HAUS6: variants seen among roughly 807,000 people sequenced by gnomAD.
HAUS6 encodes HAUS augmin-like complex subunit 6.
In HAUS6, 80 loss-of-function variants were observed where a neutral mutation model predicts 106.8. The observed-to-expected ratio is 0.75, with a 90% CI of 0.63 to 0.90. The LOEUF (loss-of-function observed/expected upper bound fraction) is 0.90. Among genes scored for constraint, HAUS6 ranks in the 40% least tolerant of loss-of-function variants. The pLI, the probability that HAUS6 is intolerant of heterozygous loss-of-function variation, is 0.00. For missense variants in HAUS6, 1,155 were observed against 1,118.1 expected (o/e 1.03, Z -0.47); for synonymous variants, 356 against 379.1 (o/e 0.94, Z 0.71).
At chr9:19,077,486 G>C (rs900612528) in intron 10 of HAUS6, among the ~76,000 whole-genome samples, 2 of 152,106 alleles carry the variant, frequency 1.3e-5, no homozygotes, top group Non-Finnish European at 1.5e-5. Flanking sequence ...AGTGAGCTGA[G>C]ATCGTGCCAC....
At chr9:19,099,622 T>C (rs907359784) in intron 1 of HAUS6, among the ~76,000 whole-genome samples, 2 of 152,178 alleles carry the variant, frequency 1.3e-5, no homozygotes, top group Admixed American at 6.6e-5. Context: ...TGAACCACCA[T>C]GCCTAGCCTA....
intron 14 of HAUS6, 116 bp downstream of exon 14, chr9:19,062,892 C>A (rs1436024913): frequency 1.3e-6 from 1 of 780,040 alleles, no homozygotes; most frequent in African/African-American, 1.8e-5. Context: ...TCTCGAACTT[C>A]TGGGCTCAAA....
intron 14 of HAUS6, among the ~76,000 whole-genome samples, chr9:19,062,662 T>G (rs1395819829): frequency 6.6e-6 from 1 of 152,050 alleles, no homozygotes; most frequent in Non-Finnish European, 1.5e-5. Context: ...AAAATATTTG[T>G]TTTTGATTTT....
At chr9:19,085,259 G>C (rs1242924947) in intron 7 of HAUS6, among the ~76,000 whole-genome samples, 1 of 152,090 alleles carries the variant, frequency 6.6e-6, no homozygotes, top group African/African-American at 2.4e-5. Flanking sequence ...GCTCAAAGTT[G>C]ACTGTACTCA....
At position 19,070,615 on chromosome 9, in the gene HAUS6, C is replaced by T. The variant is rs76092121; in HGVS notation, c.1295-315G>A. On this transcript the variant is annotated intron_variant, in intron 11 of 16. Coordinates refer to ENST00000380502, the MANE Select transcript of HAUS6 (RefSeq NM_017645.5). ...ACAGATCATGAGATTATCACAAAAGCCAGCAAGGCCAAAAAGTTACAGTCT... is the reference window on the plus strand; with the variant it reads ...ACAGATCATGAGATTATCACAAAAGTCAGCAAGGCCAAAAAGTTACAGTCT... Among the ~76,000 whole-genome samples, 49 of 152,234 alleles carry T rather than the reference C, an allele frequency of 3.2e-4. No homozygotes were observed. The East Asian group carries it at 8.9e-3, about 28-fold the overall frequency.
intron 10 of HAUS6, 139 bp downstream of exon 10, chr9:19,078,035 AGC>A (rs1837048941): frequency 1.6e-6 from 1 of 636,710 alleles, no homozygotes; most frequent in Non-Finnish European, 2.8e-6. Context: ...TACTCCAGCC[AGC>A]TATGATCGTG....
intron 14 of HAUS6, among the ~76,000 whole-genome samples, chr9:19,061,416 G>C (rs539428464): frequency 1.6e-4 from 25 of 152,116 alleles, no homozygotes; most frequent in African/African-American, 4.8e-4. Context: ...TCAAAATTAG[G>C]AAAGTAAAAA....
At chr9:19,069,756 T>C (rs757981773) in intron 12 of HAUS6, among the ~76,000 whole-genome samples, 19 of 151,612 alleles carry the variant, frequency 1.3e-4, no homozygotes, top group African/African-American at 4.1e-4. Flanking sequence ...GATTGGAAAC[T>C]GGTTTAAGAT....
At chr9:19,066,513 A>G (rs948200903) in intron 12 of HAUS6, among the ~76,000 whole-genome samples, 2 of 152,146 alleles carry the variant, frequency 1.3e-5, no homozygotes, top group Non-Finnish European at 2.9e-5. Flanking sequence ...GTATAGGAGA[A>G]AACATAGAAG....
rs936835964 is a variant in HAUS6, at chr9:19,056,096, C to T, written c.*247G>A. 7.6e-6 allele frequency: 3 copies of T among 392,384 alleles called. No homozygotes were observed. The highest frequency in any genetic ancestry group is 6.2e-5 in the African/African-American group (3 of 48,776). 24.3% of individuals were successfully genotyped at this position (392,384 alleles called of 1,614,324 possible). A position where few individuals can be genotyped will look rare whatever the true frequency, so the allele number is the denominator to read the frequency against. On this transcript the variant is annotated 3_prime_UTR_variant, in exon 17 of 17. Transcript: ENST00000380502. The stretch of plus-strand genomic sequence containing the variant: ...ATTACTCAAGAAATCAAAATGGCTT[C>T]CCATTGCTTGACGTTTGTTGTCCAA...
intron 8 of HAUS6, 39 bp from the exon 9 acceptor site, chr9:19,080,711 G>A (rs751138647): frequency 2.6e-6 from 3 of 1,150,508 alleles, no homozygotes; most frequent in Admixed American, 4.3e-5. Context: ...GTGAACTATA[G>A]GTTGTTACAA....
chr9:19,087,864 A>C (rs12002212), intron 5 of HAUS6, among the ~76,000 whole-genome samples: 2 of 148,602 alleles, frequency 1.3e-5, no homozygotes, highest in Non-Finnish European at 3.0e-5. Flanking sequence ...AAAAAAAAAA[A>C]AAAAAAACCA....
rs114131166 is a variant in HAUS6 at position 19,088,034 on chromosome 9, T to G, written c.585-878A>C. On this transcript the variant is annotated intron_variant, in intron 5 of 16. Transcript: ENST00000380502. ...AGATGAACCTAAACATAAAATAGCA[T>G]TAAGTGGTTTAAAAAAATGATGGAC... Among the ~76,000 whole-genome samples the G allele has an allele frequency of 3.1e-3, 471 of 152,066 alleles. 3 individuals carry two copies. Among genetic ancestry groups the G allele is most frequent in the African/African-American group, 0.011 (451 of 41,492 alleles).
intron 7 of HAUS6, among the ~76,000 whole-genome samples, chr9:19,084,084 G>A (rs1472574167): frequency 6.8e-6 from 1 of 146,062 alleles, no homozygotes; most frequent in East Asian, 2.0e-4. Context: ...CTCATAGAAT[G>A]TCTATTTGTA....
intron 2 of HAUS6, among the ~76,000 whole-genome samples, chr9:19,096,177 C>A (rs1048400523): frequency 1.3e-5 from 2 of 152,022 alleles, no homozygotes; most frequent in African/African-American, 4.8e-5. Flanking sequence ...AGAAAAAAAT[C>A]ACCCAGATTT....
Position 19,089,442 on chromosome 9 carries a change from C to A in HAUS6, c.554G>T (p.Cys185Phe), listed in dbSNP as rs746295584. Residue 185 changes from cysteine to phenylalanine, a missense_variant, in exon 5 of 17, where the codon TGT becomes TTT. Cys to Phe is a radical substitution (Grantham distance 205, BLOSUM62 -2). This residue lies in a region of HAUS6 where 761 missense variants were observed against 690.0 expected (regional missense o/e 1.10). Coordinates refer to ENST00000380502, the MANE Select transcript of HAUS6 (RefSeq NM_017645.5). Reference sequence around the variant, plus strand: ...ATTTTCCTGATATTTTTGGGTAACACAATCTTGTCTTTGCAAAATTTGTAA... The same window carrying A: ...ATTTTCCTGATATTTTTGGGTAACAAAATCTTGTCTTTGCAAAATTTGTAA... The part of the protein sequence containing the change: ...RFLQILQRQD[C>F]VTQKYQENAQ... The A allele has an allele frequency of 3.1e-6, 5 of 1,611,306 alleles. No homozygotes were observed. Among genetic ancestry groups the A allele is most frequent in the South Asian group, 1.1e-5 (1 of 91,010 alleles).
intron 9 of HAUS6, among the ~76,000 whole-genome samples, chr9:19,080,170 G>A (rs1303086749): frequency 7.4e-5 from 6 of 80,556 alleles, no homozygotes; most frequent in South Asian, 4.3e-4. Context: ...GCGAAACTCC[G>A]TCTCAAAAAA....
chr9:19,059,743 C>G (rs376407748), intron 15 of HAUS6, among the ~76,000 whole-genome samples: 11 of 152,258 alleles, frequency 7.2e-5, no homozygotes, highest in African/African-American at 2.6e-4. Context: ...TGGCAGAACA[C>G]AGCCTATGTA....
chr9:19,059,058 A>G (rs566065119), intron 15 of HAUS6, 57 bp from the exon 16 acceptor site: 1 of 917,866 alleles, frequency 1.1e-6, no homozygotes, highest in South Asian at 1.6e-5. Context: ...AGAGCATGCA[A>G]TGAATCATTT....
Sources: allele counts gnomAD v4.1 joint callset (sites outside exome capture counted in the v4.1 genomes callset), GRCh38; gene constraint gnomAD v4.1.1; regional missense constraint gnomAD v4.1.1; transcripts MANE v1.5; gene names NCBI Gene and HGNC (gene_info 2026-07-23, HGNC 2026-07-21).